CSNK2A2: variants seen among roughly 807,000 people sequenced by gnomAD.
The protein encoded by CSNK2A2 is casein kinase II subunit alpha'.
Under a neutral mutation model 54.0 loss-of-function variants are expected in CSNK2A2, and 8 were observed. The observed-to-expected ratio is 0.15, with a 90% CI of 0.09 to 0.27. CSNK2A2 has a LOEUF of 0.27. CSNK2A2 is among the 10% of genes least tolerant of loss of function. The pLI is 1.00. For missense variants in CSNK2A2, 242 were observed against 439.4 expected (o/e 0.55, Z 4.02); for synonymous variants, 141 against 153.9 (o/e 0.92, Z 0.62).
intron 4 of CSNK2A2, among the ~76,000 whole-genome samples, chr16:58,182,137 T>C (rs1962058285): frequency 6.6e-6 from 1 of 151,842 alleles, no homozygotes; most frequent in Admixed American, 6.6e-5. Flanking sequence ...AACATCCCCT[T>C]TGAGGGTTAA....
chr16:58,171,943 T>C (rs564520486), intron 5 of CSNK2A2, among the ~76,000 whole-genome samples: 5 of 128,288 alleles, frequency 3.9e-5, no homozygotes, highest in Non-Finnish European at 7.9e-5. Flanking sequence ...CATGTACCAC[T>C]ACACCTGGAG....
At position 58,198,041 on chromosome 16, in the gene CSNK2A2, CCGGCAGCGGCAGCCACCGGCCGGGAAAG is replaced by C. The variant is rs1962523836; in HGVS notation, c.-333_-306del. ...CCCCCAGGAGGCGGCGGCGGCGGCA[CCGGCAGCGGCAGCCACCGGCCGGGAAAG>C]GGGCAGCGGCGGCGGCAGCGGAGAA... On this transcript the variant is annotated 5_prime_UTR_variant, in exon 1 of 12. Coordinates refer to ENST00000262506, the MANE Select transcript of CSNK2A2 (RefSeq NM_001896.4). 6.9e-6 allele frequency: 1 copy of C among 145,662 alleles called. No homozygotes were observed. The highest frequency in any genetic ancestry group is 1.5e-5 in the Non-Finnish European group (1 of 65,356). The allele number at this position is 145,662 out of a possible 1,614,324, so 9.0% of individuals were successfully genotyped here.
chr16:58,179,227 TG>T (rs1260256612), intron 4 of CSNK2A2, among the ~76,000 whole-genome samples: 1 of 152,080 alleles, frequency 6.6e-6, no homozygotes, highest in East Asian at 1.9e-4. Context: ...AGGCTGAGCA[TG>T]GTGGCTCAAG....
chr16:58,163,633 T>G (rs1231739601), intron 11 of CSNK2A2: 2 of 153,364 alleles, frequency 1.3e-5, no homozygotes, highest in African/African-American at 4.8e-5. Context: ...TGTGTCAGTA[T>G]AGACTGCTGA....
In CSNK2A2 at chr16:58,197,604, G is replaced by A; in HGVS notation, c.104+29C>T. 1 of 1,470,582 alleles carries A rather than the reference G, an allele frequency of 6.8e-7. No individual in the cohort carries two copies. The highest frequency in any genetic ancestry group is 1.2e-5 in the South Asian group (1 of 81,640). The allele number at this position is 1,470,582 out of a possible 1,614,324, so 91.1% of individuals were successfully genotyped here. ...GGCCGGGCGGGGGCAGGGATCAGCG[G>A]GCCCGGCGGGGGGCGGCGACGGCTT... On this transcript the variant is annotated intron_variant, in intron 1 of 11. Coordinates refer to ENST00000262506, the MANE Select transcript of CSNK2A2 (RefSeq NM_001896.4). The surrounding 1 kb of genome is among the most constrained non-coding windows in gnomAD (Gnocchi z 4.0).
At chr16:58,174,254 G>A (rs1042720068) in intron 5 of CSNK2A2, 197 bp downstream of exon 5, 1 of 506,240 alleles carries the variant, frequency 2.0e-6, no homozygotes, top group Admixed American at 3.9e-5. Flanking sequence ...CCCTTGACTT[G>A]GCCACTTTTT....
intron 2 of CSNK2A2, among the ~76,000 whole-genome samples, chr16:58,192,447 TAA>T (rs35731721): frequency 2.1e-5 from 3 of 142,268 alleles, no homozygotes; most frequent in African/African-American, 2.6e-5. Flanking sequence ...CTCTATGGGT[TAA>T]AAAAAAAAAA....
At chr16:58,169,423 A>T (rs1961671371) in intron 5 of CSNK2A2, among the ~76,000 whole-genome samples, 1 of 151,896 alleles carries the variant, frequency 6.6e-6, no homozygotes, top group African/African-American at 2.4e-5. Context: ...CAGCCACTCG[A>T]CTGGGCTGAG....
intron 9 of CSNK2A2, among the ~76,000 whole-genome samples, chr16:58,165,987 C>T (rs1338705302): frequency 6.6e-6 from 1 of 152,094 alleles, no homozygotes; most frequent in African/African-American, 2.4e-5. Context: ...GACTTTTAGT[C>T]AATTCTGGGT....
At chr16:58,196,334 G>A (rs1962443816) in intron 2 of CSNK2A2, among the ~76,000 whole-genome samples, 1 of 152,202 alleles carries the variant, frequency 6.6e-6, no homozygotes, top group Non-Finnish European at 1.5e-5. Context: ...CGTCGGCTGG[G>A]CACAGTGGCT....
At chr16:58,195,531 A>G (rs2550365) in intron 2 of CSNK2A2, among the ~76,000 whole-genome samples, 11 of 152,094 alleles carry the variant, frequency 7.2e-5, no homozygotes, top group East Asian at 5.8e-4. Context: ...AAGGGCCACA[A>G]TGGAAATCAC....
chr16:58,169,172 A>C (rs968433486), intron 5 of CSNK2A2, among the ~76,000 whole-genome samples: 11 of 152,000 alleles, frequency 7.2e-5, no homozygotes, highest in African/African-American at 1.7e-4. Flanking sequence ...GTGATCCGCC[A>C]GCCTCGGCCT....
chr16:58,190,978 T>C (rs768522043), intron 2 of CSNK2A2, among the ~76,000 whole-genome samples: 3 of 152,184 alleles, frequency 2.0e-5, no homozygotes, highest in Non-Finnish European at 2.9e-5. Context: ...AAGCAACCCA[T>C]CCACTGATGG....
chr16:58,164,049 A>G lies in CSNK2A2; in HGVS notation c.*17+5T>C. Reference sequence around the variant, plus strand: ...TTTTATTGGCAAGCATCAATGCCGCATTACCCGTCGCTTTCCAGTCTTCAT... The same window carrying G: ...TTTTATTGGCAAGCATCAATGCCGCGTTACCCGTCGCTTTCCAGTCTTCAT... On this transcript the variant is annotated splice_donor_5th_base_variant and intron_variant, in intron 11 of 11. Transcript: ENST00000262506. 1 of 1,608,588 alleles carries G rather than the reference A, an allele frequency of 6.2e-7. No homozygotes were observed. The highest frequency in any genetic ancestry group is 8.5e-7 in the Non-Finnish European group (1 of 1,176,102).
chr16:58,159,871 A>T (rs767351385), intron 11 of CSNK2A2: 1 of 152,216 alleles, frequency 6.6e-6, no homozygotes. Flanking sequence ...AGAGCCAGCA[A>T]GTGAAAAACT....
intron 3 of CSNK2A2, among the ~76,000 whole-genome samples, chr16:58,185,903 T>C (rs1200793082): frequency 6.6e-6 from 1 of 152,270 alleles, no homozygotes; most frequent in Non-Finnish European, 1.5e-5. Context: ...CATGGCACAG[T>C]TGGGCACTTG....
chr16:58,188,755 T>C (rs890484403), intron 2 of CSNK2A2, among the ~76,000 whole-genome samples: 1 of 152,104 alleles, frequency 6.6e-6, no homozygotes, highest in Non-Finnish European at 1.5e-5. Context: ...CTCAAGCACG[T>C]CAGGAAGAAA....
At chr16:58,165,432 G>A (rs1961536540) in intron 10 of CSNK2A2, 128 bp downstream of exon 10, 1 of 1,019,476 alleles carries the variant, frequency 9.8e-7, no homozygotes, top group South Asian at 2.6e-5. Flanking sequence ...TACGATAAAT[G>A]AGGCCAAATT....
intron 4 of CSNK2A2, among the ~76,000 whole-genome samples, 191 bp from the exon 5 acceptor site, chr16:58,174,701 GA>G (rs371450007): frequency 0.011 from 1,562 of 143,298 alleles, 12 homozygotes; most frequent in African/African-American, 0.022. Flanking sequence ...CAGAAGAGAA[GA>G]AAAAAAAAAA....
Sources: allele counts gnomAD v4.1 joint callset (sites outside exome capture counted in the v4.1 genomes callset), GRCh38; gene constraint gnomAD v4.1.1; non-coding constraint Gnocchi (gnomAD v3.1); transcripts MANE v1.5; gene names NCBI Gene and HGNC (gene_info 2026-07-23, HGNC 2026-07-21).